Variants in PRR5 observed in about 807,000 individuals in gnomAD.
The protein encoded by PRR5 is proline rich 5.
In PRR5, 25 loss-of-function variants were observed where a neutral mutation model predicts 30.6. That is an observed-to-expected ratio of 0.82 (90% CI 0.60 to 1.14). The LOEUF is 1.14. Among genes scored for constraint, PRR5 ranks in the 50% most tolerant of loss-of-function variants. The pLI, the probability that PRR5 is intolerant of heterozygous loss-of-function variation, is 0.00. For missense variants in PRR5, 600 were observed against 547.1 expected (o/e 1.10, Z -0.96); for synonymous variants, 286 against 247.1 (o/e 1.16, Z -1.48).
intron 2 of PRR5, among the ~76,000 whole-genome samples, chr22:44,717,317 G>A (rs933881560): frequency 6.6e-6 from 1 of 150,522 alleles, no homozygotes; most frequent in African/African-American, 2.4e-5. Flanking sequence ...TCGGCCTCCT[G>A]AGTAGCTGGG....
rs771557578 is a variant in PRR5 at position 44,731,849 on chromosome 22, GC to G, written c.414+31del. On this transcript the variant is annotated intron_variant, in intron 5 of 7. Coordinates refer to ENST00000336985, the MANE Select transcript of PRR5 (RefSeq NM_181333.4). ...GGGCAGCCCAGCCCTGGGGAGGGAA[GC>G]CCAGTGCCCCTGCTGTGCCCACCCT... The G allele has an allele frequency of 3.7e-6, 6 of 1,603,282 alleles. No homozygotes were observed. In the Admixed American group the frequency reaches 1.0e-4, roughly 27 times the overall value.
At chr22:44,703,640 G>A (rs1232081936) in intron 1 of PRR5, among the ~76,000 whole-genome samples, 1 of 152,144 alleles carries the variant, frequency 6.6e-6, no homozygotes, top group Non-Finnish European at 1.5e-5. Flanking sequence ...ATTCCTCCCT[G>A]TGGGGAGGGC....
intron 1 of PRR5, among the ~76,000 whole-genome samples, chr22:44,706,850 TATGGATGCCCGGCTGGC>T (rs1927287006): frequency 1.1e-5 from 1 of 91,414 alleles, no homozygotes; most frequent in African/African-American, 3.4e-5. Context: ...GTAAGGGAGC[TATGGATGCCCGGCTGGC>T]CTGCCGGCCG....
upstream of PRR5, among the ~76,000 whole-genome samples, chr22:44,699,707 G>A (rs1295578323): frequency 6.6e-6 from 1 of 152,172 alleles, no homozygotes; most frequent in African/African-American, 2.4e-5. Context: ...GTGACAACAG[G>A]ACGCCCCCTG....
chr22:44,705,028 G>A (rs181302651), intron 1 of PRR5, among the ~76,000 whole-genome samples: 35 of 152,316 alleles, frequency 2.3e-4, no homozygotes, highest in African/African-American at 7.9e-4. Context: ...GGGCCTGGCC[G>A]TGTACTCCTC....
At chr22:44,732,828 CACATACT>C (rs1922338041) in intron 6 of PRR5, among the ~76,000 whole-genome samples, 1 of 67,154 alleles carries the variant, frequency 1.5e-5, no homozygotes, top group Admixed American at 1.7e-4. Context: ...CGTGTGCACG[CACATACT>C]ACACACGTGC....
At chr22:44,680,931 G>T (rs1924224106) in intron 1 of PRR5, among the ~76,000 whole-genome samples, 1 of 152,218 alleles carries the variant, frequency 6.6e-6, no homozygotes, top group African/African-American at 2.4e-5. Context: ...AGCAGGGTCG[G>T]ACTACAATGT....
chr22:44,728,841 A>G (rs1298285375), intron 4 of PRR5, among the ~76,000 whole-genome samples: 1 of 152,180 alleles, frequency 6.6e-6, no homozygotes, highest in Non-Finnish European at 1.5e-5. Flanking sequence ...GCCCCTTCTC[A>G]GCCTCCAGGG....
chr22:44,717,380 C>T (rs1172601546), intron 2 of PRR5, among the ~76,000 whole-genome samples: 2 of 151,664 alleles, frequency 1.3e-5, no homozygotes, highest in Admixed American at 6.6e-5. Flanking sequence ...TTAGTAGAGA[C>T]GGGGTTTCAC....
At chr22:44,726,451 C>T in intron 3 of PRR5, 126 bp from the exon 4 acceptor site, 1 of 1,383,194 alleles carries the variant, frequency 7.2e-7, no homozygotes, top group East Asian at 2.5e-5. Context: ...TGTGGGACCT[C>T]AGTGAGTCTC....
At chr22:44,675,835 G>T (rs1345151873), upstream of PRR5, among the ~76,000 whole-genome samples, 1 of 150,834 alleles carries the variant, frequency 6.6e-6, no homozygotes, top group Non-Finnish European at 1.5e-5. Context: ...GTGGATCCTT[G>T]CAGACAGGAG....
intron 1 of PRR5, among the ~76,000 whole-genome samples, chr22:44,704,595 C>T (rs1028267696): frequency 6.6e-6 from 1 of 152,094 alleles, no homozygotes; most frequent in African/African-American, 2.4e-5. Context: ...CTCCCACCAC[C>T]CCAGGCAGCA....
upstream of PRR5, among the ~76,000 whole-genome samples, chr22:44,697,924 T>G (rs2146987704): frequency 6.6e-6 from 1 of 152,280 alleles, no homozygotes; most frequent in East Asian, 1.9e-4. Context: ...GGCCCCAAAC[T>G]GGCCCCTTCA....
chr22:44,703,760 G>T (rs1407808347), intron 1 of PRR5, among the ~76,000 whole-genome samples: 1 of 152,176 alleles, frequency 6.6e-6, no homozygotes, highest in Non-Finnish European at 1.5e-5. Flanking sequence ...GCTCACACCT[G>T]TAATCCTAGC....
At position 44,726,570 on chromosome 22, in the gene PRR5, C is replaced by T. The variant is rs1184842277; in HGVS notation, c.265-7C>T. 5 of 1,614,074 alleles carry T rather than the reference C, an allele frequency of 3.1e-6. No homozygotes were observed. The South Asian group carries it at 5.5e-5, about 18-fold the overall frequency. ...GGCGGTGACAGCCCCTCTGTGTTTA[C>T]CTTCAGAACCAGCTGCTGACAAAAG... On this transcript the variant is annotated splice_region_variant and splice_polypyrimidine_tract_variant and intron_variant, in intron 3 of 7. Coordinates refer to ENST00000336985, the MANE Select transcript of PRR5 (RefSeq NM_181333.4).
chr22:44,732,270 G>GC lies in PRR5; in HGVS notation c.436dup (p.Gln146ProfsTer44), dbSNP rs1555903760. On this transcript the variant is annotated frameshift_variant, in exon 6 of 8. Coordinates refer to ENST00000336985, the MANE Select transcript of PRR5 (RefSeq NM_181333.4). LOFTEE classifies it high-confidence loss of function. Reference sequence around the variant, plus strand: ...CCACAGGGCAAGGAGCCATCGGTGCGCCAGCTGGCCCTGCTGCACTTCCGG... The same window carrying GC: ...CCACAGGGCAAGGAGCCATCGGTGCGCCCAGCTGGCCCTGCTGCACTTCCGG... 6.2e-7 allele frequency: 1 copy of GC among 1,611,680 alleles called. No individual in the cohort carries two copies. The highest frequency in any genetic ancestry group is 8.5e-7 in the Non-Finnish European group (1 of 1,179,928).
rs956411879 is a variant in PRR5, at chr22:44,702,332, G to C, written c.-143G>C. 1.3e-5 allele frequency: 15 copies of C among 1,155,648 alleles called. No individual in the cohort carries two copies. In the African/African-American group the frequency reaches 1.5e-4, roughly 11 times the overall value. 71.6% of individuals were successfully genotyped at this position (1,155,648 alleles called of 1,614,324 possible). ...AGACGGAGGCGCGGGGCCGGGGCGG[G>C]ACCCCGCAGGACCGCTCGGCTTCCT... On this transcript the variant is annotated 5_prime_UTR_variant, in exon 1 of 8. Coordinates refer to ENST00000336985, the MANE Select transcript of PRR5 (RefSeq NM_181333.4).
intron 4 of PRR5, among the ~76,000 whole-genome samples, chr22:44,727,021 G>T (rs1920980418): frequency 6.6e-6 from 1 of 152,192 alleles, no homozygotes. Context: ...TCACAGAGGA[G>T]GGGACAGGGT....
At chr22:44,678,378 G>A (rs1374739175) in intron 1 of PRR5, among the ~76,000 whole-genome samples, 26 of 147,560 alleles carry the variant, frequency 1.8e-4, no homozygotes, top group East Asian at 4.0e-4. Context: ...GCTGGAGTGC[G>A]ATGGCGCAAT....
Sources: allele counts gnomAD v4.1 joint callset (sites outside exome capture counted in the v4.1 genomes callset), GRCh38; gene constraint gnomAD v4.1.1; transcripts MANE v1.5; gene names NCBI Gene and HGNC (gene_info 2026-07-23, HGNC 2026-07-21).